Variants in RGL1 observed in about 807,000 individuals in gnomAD.
RGL1 encodes ral guanine nucleotide dissociation stimulator-like 1.
A neutral mutation model predicts 95.2 loss-of-function variants in RGL1; 24 were observed. The observed-to-expected ratio is 0.25, with a 90% confidence interval of 0.18 to 0.35. RGL1 has a LOEUF of 0.35. RGL1 is among the 10% of genes least tolerant of loss of function. RGL1 has a pLI of 1.00. For missense variants in RGL1, 715 were observed against 936.3 expected (o/e 0.76, Z 3.08); for synonymous variants, 329 against 344.9 (o/e 0.95, Z 0.51).
chr1:183,825,008 A>G (rs1662751794), intron 2 of RGL1, among the ~76,000 whole-genome samples: 1 of 152,214 alleles, frequency 6.6e-6, no homozygotes, highest in African/African-American at 2.4e-5. Flanking sequence ...AGTAGAGTAG[A>G]TAAAAACCTA....
chr1:183,683,387 TTGTC>T (rs1227846726), intron 1 of RGL1, among the ~76,000 whole-genome samples: 1 of 152,318 alleles, frequency 6.6e-6, no homozygotes, highest in East Asian at 1.9e-4. Context: ...CAGCATTTGA[TTGTC>T]TGTAAAGGAT....
intron 1 of RGL1, chr1:183,636,647 G>A (rs1162174343): frequency 6.5e-6 from 1 of 153,602 alleles, no homozygotes; most frequent in Non-Finnish European, 1.4e-5. Flanking sequence ...GCTCGAAAGG[G>A]GTGAGGGTAG....
chr1:183,652,633 C>T (rs528340099), intron 1 of RGL1, among the ~76,000 whole-genome samples: 1 of 152,246 alleles, frequency 6.6e-6, no homozygotes, highest in African/African-American at 2.4e-5. Flanking sequence ...CTGTTTAGGC[C>T]CAGGACCTAC....
chr1:183,884,663 C>T, intron 6 of RGL1, 60 bp from the exon 7 acceptor site: 2 of 1,409,248 alleles, frequency 1.4e-6, no homozygotes, highest in South Asian at 2.4e-5. Flanking sequence ...ACCCAGATGA[C>T]ATGCTTTGCC....
intron 2 of RGL1, among the ~76,000 whole-genome samples, chr1:183,813,968 T>A (rs919998891): frequency 1.3e-5 from 2 of 152,232 alleles, no homozygotes; most frequent in African/African-American, 4.8e-5. Context: ...CCTTATAATG[T>A]CACTTATGGC....
At chr1:183,771,039 C>T (rs1344707964) in intron 2 of RGL1, among the ~76,000 whole-genome samples, 6 of 152,110 alleles carry the variant, frequency 3.9e-5, no homozygotes, top group African/African-American at 1.4e-4. Flanking sequence ...GGGTTATAAA[C>T]CTTACCTTAT....
intron 7 of RGL1, 79 bp from the exon 8 acceptor site, chr1:183,888,395 C>T: frequency 1.2e-6 from 1 of 841,620 alleles, no homozygotes; most frequent in Non-Finnish European, 2.0e-6. Flanking sequence ...AGCTGTGATA[C>T]CTCTAAAACA....
intron 2 of RGL1, among the ~76,000 whole-genome samples, chr1:183,763,247 G>C (rs900599819): frequency 2.0e-5 from 3 of 152,100 alleles, no homozygotes; most frequent in Non-Finnish European, 4.4e-5. Context: ...CAGGACATGG[G>C]GACTAGGGGA....
intron 5 of RGL1, among the ~76,000 whole-genome samples, chr1:183,882,303 A>G (rs934910763): frequency 1.3e-5 from 2 of 152,224 alleles, no homozygotes; most frequent in Non-Finnish European, 2.9e-5. Flanking sequence ...GAATGAATGA[A>G]TGGAAAGATC....
At chr1:183,851,183 T>G (rs1664805539) in intron 3 of RGL1, among the ~76,000 whole-genome samples, 1 of 152,210 alleles carries the variant, frequency 6.6e-6, no homozygotes, top group Non-Finnish European at 1.5e-5. Flanking sequence ...TAGGATTTAT[T>G]TTTTTACCAT....
rs1197036120 is a variant in RGL1 at position 183,908,821 on chromosome 1, A to T, written c.1562+1720A>T. On this transcript the variant is annotated intron_variant, in intron 14 of 17. Transcript: ENST00000360851. ...AAAAATTCTCAATGCAGGCAGGCCT[A>T]ATCCTGCGTCCTGCTACCTCTATCC... Among the ~76,000 whole-genome samples, 2 of 152,162 alleles carry T rather than the reference A, an allele frequency of 1.3e-5. 1 individual carries two copies. The highest frequency in any genetic ancestry group is 4.8e-5 in the African/African-American group (2 of 41,428).
At chr1:183,856,047 A>G (rs914997160) in intron 3 of RGL1, among the ~76,000 whole-genome samples, 13 of 152,152 alleles carry the variant, frequency 8.5e-5, no homozygotes, top group Non-Finnish European at 2.9e-5. Flanking sequence ...CAGGATGCAC[A>G]TCCCATTTAT....
chr1:183,787,147 G>A (rs978274519), intron 2 of RGL1, among the ~76,000 whole-genome samples: 4 of 152,178 alleles, frequency 2.6e-5, no homozygotes, highest in Non-Finnish European at 5.9e-5. Flanking sequence ...AGCAAGAGGT[G>A]GCTTGATTGG....
chr1:183,731,027 G>C (rs1656600764), intron 1 of RGL1, among the ~76,000 whole-genome samples: 1 of 152,108 alleles, frequency 6.6e-6, no homozygotes, highest in Non-Finnish European at 1.5e-5. Flanking sequence ...AAGTGTATAA[G>C]TCATTTTTCA....
chr1:183,729,093 A>G (rs139349703), intron 1 of RGL1, among the ~76,000 whole-genome samples: 2,472 of 152,272 alleles, frequency 0.016, 74 homozygotes, highest in African/African-American at 0.057. Context: ...AAAAAGTATA[A>G]AAAATTTATA....
At chr1:183,873,950 G>T (rs1402357009) in intron 4 of RGL1, among the ~76,000 whole-genome samples, 4 of 152,194 alleles carry the variant, frequency 2.6e-5, no homozygotes, top group Admixed American at 2.6e-4. Context: ...AGTTCTAGTG[G>T]TGAAAACTAT....
intron 1 of RGL1, among the ~76,000 whole-genome samples, chr1:183,671,788 T>C (rs1652471707): frequency 6.6e-6 from 1 of 152,236 alleles, no homozygotes; most frequent in African/African-American, 2.4e-5. Flanking sequence ...GGAAGTATTA[T>C]GGCTGTAGAC....
Position 183,884,929 on chromosome 1 carries a change from C to A in RGL1, c.942C>A (p.Asn314Lys), listed in dbSNP as rs747017309. Residue 314 changes from asparagine to lysine, a missense_variant, in exon 7 of 18, where the codon AAC becomes AAA. Asn to Lys is a moderately conservative substitution (Grantham distance 94). Around this residue, in one of 3 missense-constraint regions of RGL1, gnomAD observed 381 missense variants for 484.8 expected, o/e 0.79. Transcript: ENST00000360851. ...QRAKIIEKWI[N>K]IAHECRLLKN... is the part of the protein sequence containing the mutation. The stretch of plus-strand genomic sequence containing the variant: ...CCAAAATCATTGAGAAGTGGATCAA[C>A]ATCGCTCATGTAATTGTCTTTTATA... 15 of 1,613,244 alleles carry A rather than the reference C, an allele frequency of 9.3e-6. No individual in the cohort carries two copies. The highest frequency in any genetic ancestry group is 6.7e-5 in the Admixed American group (4 of 60,000).
intron 4 of RGL1, among the ~76,000 whole-genome samples, chr1:183,879,765 T>C (rs138772807): frequency 6.6e-6 from 1 of 152,318 alleles, no homozygotes; most frequent in Non-Finnish European, 1.5e-5. Context: ...ATGCAAAACA[T>C]TTTATCCTTT....
Sources: gnomAD v4.1 joint callset for allele counts (sites outside exome capture counted in the v4.1 genomes callset) on GRCh38, gnomAD v4.1.1 for gene constraint, gnomAD v4.1.1 regional missense constraint, MANE v1.5 for transcripts, NCBI Gene and HGNC (gene_info 2026-07-23, HGNC 2026-07-21) for gene names.